GAD2: variants seen among roughly 807,000 people sequenced by gnomAD.
GAD2 encodes the protein 65 kDa glutamic acid decarboxylase.
In GAD2, 22 loss-of-function variants were observed where a neutral mutation model predicts 80.1. The observed-to-expected ratio is 0.27, with a 90% CI of 0.20 to 0.39. GAD2 has a LOEUF of 0.39. Among genes scored for constraint, GAD2 ranks in the 10% least tolerant of loss-of-function variants. The pLI is 1.00. For synonymous variants in GAD2, 274 were observed against 256.9 expected, an observed-to-expected ratio of 1.07 and a Z score of -0.64; for missense variants, 624 against 738.4, an observed-to-expected ratio of 0.85 and a Z score of 1.80.
intron 12 of GAD2, among the ~76,000 whole-genome samples, chr10:26,283,858 C>T (rs139679837): frequency 1.1e-4 from 17 of 152,194 alleles, no homozygotes; most frequent in Admixed American, 2.6e-4. Context: ...AAGGACCTAC[C>T]GACTGGCAAT....
chr10:26,250,353 T>TA (rs1460891035), intron 8 of GAD2, among the ~76,000 whole-genome samples: 1 of 152,186 alleles, frequency 6.6e-6, no homozygotes, highest in Non-Finnish European at 1.5e-5. Flanking sequence ...AATACAATAC[T>TA]AAAAAGTATG....
intron 8 of GAD2, among the ~76,000 whole-genome samples, chr10:26,253,761 T>C (rs1425991141): frequency 6.6e-6 from 1 of 152,166 alleles, no homozygotes; most frequent in South Asian, 2.1e-4. Flanking sequence ...GTACTGGCTG[T>C]TATTGATTCA....
intron 11 of GAD2, 138 bp downstream of exon 11, chr10:26,273,838 G>A: frequency 6.3e-6 from 4 of 634,390 alleles, no homozygotes; most frequent in South Asian, 2.1e-5. Flanking sequence ...TGCCTTATGT[G>A]GTATTACACT....
In GAD2 at chr10:26,303,357, A is replaced by G. The variant is rs1834346586; in HGVS notation, c.*2396A>G. The G allele has an allele frequency of 6.6e-6, 1 of 151,918 alleles. No individual in the cohort carries two copies. The highest frequency in any genetic ancestry group is 2.1e-4 in the South Asian group (1 of 4,796). 9.4% of individuals were successfully genotyped at this position (151,918 alleles called of 1,614,324 possible). The stretch of plus-strand genomic sequence containing the variant: ...TTACCAACTGTAGCCCAAAGAAGGA[A>G]GCAAATAAAAGCCTAGTAGGTCCCA... On this transcript the variant is annotated 3_prime_UTR_variant, in exon 16 of 16. Coordinates refer to ENST00000376261, the MANE Select transcript of GAD2 (RefSeq NM_001134366.2).
intron 15 of GAD2, among the ~76,000 whole-genome samples, chr10:26,299,101 G>C (rs532146427): frequency 1.3e-5 from 2 of 152,280 alleles, no homozygotes; most frequent in South Asian, 4.2e-4. Flanking sequence ...CATTTTTAGA[G>C]AAGGAAATTA....
At chr10:26,241,770 A>T (rs959794046) in intron 7 of GAD2, among the ~76,000 whole-genome samples, 1 of 152,156 alleles carries the variant, frequency 6.6e-6, no homozygotes, top group African/African-American at 2.4e-5. Flanking sequence ...GCTTCCTTGC[A>T]TTGAGGGGAA....
intron 4 of GAD2, among the ~76,000 whole-genome samples, chr10:26,220,092 G>A (rs1030817319): frequency 9.2e-5 from 14 of 152,016 alleles, no homozygotes; most frequent in Non-Finnish European, 2.1e-4. Context: ...TCTACACAAA[G>A]TCAGCCATTC....
At position 26,217,748 on chromosome 10, in the gene GAD2, C is replaced by T. The variant is rs1317553318; in HGVS notation, c.136+79C>T. 9 of 1,586,574 alleles carry T rather than the reference C, an allele frequency of 5.7e-6. No homozygotes were observed. Among genetic ancestry groups the T allele is most frequent in the Admixed American group, 3.6e-5 (2 of 55,770 alleles). On this transcript the variant is annotated intron_variant, in intron 2 of 15. Transcript: ENST00000376261. This position sits in a 1 kb window ranked among gnomAD's most constrained non-coding sequence, Gnocchi z 4.9. ...CTTCTCACCTCCGCATCCCAGTCAGCGGAGTCGGGGTTTCCTGGCTGCGGG... is the reference window on the plus strand; with the variant it reads ...CTTCTCACCTCCGCATCCCAGTCAGTGGAGTCGGGGTTTCCTGGCTGCGGG...
intron 8 of GAD2, among the ~76,000 whole-genome samples, chr10:26,255,313 T>G (rs915827235): frequency 6.6e-6 from 1 of 152,164 alleles, no homozygotes; most frequent in African/African-American, 2.4e-5. Context: ...GCATGACTTC[T>G]AAGGAGGCGG....
chr10:26,291,442 T>C (rs1564672829), intron 13 of GAD2, among the ~76,000 whole-genome samples: 1 of 152,158 alleles, frequency 6.6e-6, no homozygotes, highest in Non-Finnish European at 1.5e-5. Context: ...GAAGTGAATT[T>C]CTGAACCCAT....
At chr10:26,263,299 A>G (rs924219003) in intron 8 of GAD2, among the ~76,000 whole-genome samples, 3 of 152,228 alleles carry the variant, frequency 2.0e-5, no homozygotes, top group African/African-American at 7.2e-5. Flanking sequence ...AAATCCAACT[A>G]TGTATTTGGA....
intron 4 of GAD2, among the ~76,000 whole-genome samples, chr10:26,221,373 A>T (rs1844449901): frequency 6.6e-6 from 1 of 152,230 alleles, no homozygotes; most frequent in Admixed American, 6.5e-5. Context: ...GATTGTTAAA[A>T]TTACCTCTGT....
At chr10:26,256,733 A>G (rs996466344) in intron 8 of GAD2, among the ~76,000 whole-genome samples, 2 of 152,198 alleles carry the variant, frequency 1.3e-5, no homozygotes, top group Non-Finnish European at 2.9e-5. Flanking sequence ...TGGTCTCATT[A>G]TCAGTAATAT....
At chr10:26,283,679 A>G (rs1464254272) in intron 12 of GAD2, among the ~76,000 whole-genome samples, 2 of 152,204 alleles carry the variant, frequency 1.3e-5, no homozygotes, top group Non-Finnish European at 2.9e-5. Context: ...TAGAGCCCAA[A>G]CTGTGGGGAC....
intron 7 of GAD2, among the ~76,000 whole-genome samples, chr10:26,239,626 G>C (rs1330579): frequency 0.027 from 4,174 of 152,318 alleles, 208 homozygotes; most frequent in African/African-American, 0.095. Flanking sequence ...TGGACACACA[G>C]TGAACTAATA....
rs769628408 is a variant in GAD2, at chr10:26,285,313, T to C, written c.1237-1032T>C. On this transcript the variant is annotated intron_variant, in intron 12 of 15. Transcript: ENST00000376261. The stretch of plus-strand genomic sequence containing the variant: ...TGCATTGTGTTTTAGTGTGGACAGT[T>C]TTCAGAAGTGTTCTCAGTTTTAACT... Among the ~76,000 whole-genome samples the C allele has an allele frequency of 2.0e-5, 3 of 152,328 alleles. No homozygotes were observed. In the East Asian group the frequency reaches 5.8e-4, roughly 29 times the overall value.
At chr10:26,231,533 A>C (rs1844601452) in intron 7 of GAD2, among the ~76,000 whole-genome samples, 1 of 152,166 alleles carries the variant, frequency 6.6e-6, no homozygotes, top group South Asian at 2.1e-4. Flanking sequence ...TTGGGGTTTT[A>C]TTTTGTGAAA....
At chr10:26,254,099 C>T (rs1051300691) in intron 8 of GAD2, among the ~76,000 whole-genome samples, 4 of 152,186 alleles carry the variant, frequency 2.6e-5, no homozygotes, top group Admixed American at 6.5e-5. Context: ...TGTCCTGGCA[C>T]GATCTCAGCT....
In GAD2 at chr10:26,270,773, G is replaced by A; in HGVS notation, c.1092+17G>A. 6.7e-7 allele frequency: 1 copy of A among 1,499,738 alleles called. No individual in the cohort carries two copies. The highest frequency in any genetic ancestry group is 1.1e-5 in the South Asian group (1 of 88,596). The allele number at this position is 1,499,738 out of a possible 1,614,324, so 92.9% of individuals were successfully genotyped here. On this transcript the variant is annotated intron_variant, in intron 10 of 15. Transcript: ENST00000376261. ...CATGTGGATGTAAGTATCCCTTAGG[G>A]ACTGGCCACTAAAACGTCCTTGCAC...
Sources: gnomAD v4.1 joint callset for allele counts (sites outside exome capture counted in the v4.1 genomes callset) on GRCh38, gnomAD v4.1.1 for gene constraint, Gnocchi (gnomAD v3.1) non-coding constraint, MANE v1.5 for transcripts, NCBI Gene and HGNC (gene_info 2026-07-23, HGNC 2026-07-21) for gene names.